The following TAF1A variants were observed in gnomAD, a reference collection of about 807,000 sequenced individuals.
TAF1A encodes TATA box-binding protein-associated factor RNA polymerase I subunit A.
In TAF1A, 42 loss-of-function variants were observed where a neutral mutation model predicts 61.6. That is an observed-to-expected ratio of 0.68 (90% CI 0.53 to 0.88). The LOEUF (loss-of-function observed/expected upper bound fraction) is 0.88, where lower values mean the gene tolerates loss of function less well. Ranked by LOEUF, TAF1A falls within the 40% of genes least tolerant of loss-of-function variation. TAF1A has a pLI of 0.00. For missense variants in TAF1A, 424 were observed against 518.7 expected (o/e 0.82, Z 1.77); for synonymous variants, 179 against 177.7 (o/e 1.01, Z -0.06).
chr1:222,584,584 G>A (rs930643156), intron 2 of TAF1A, among the ~76,000 whole-genome samples: 8 of 152,098 alleles, frequency 5.3e-5, no homozygotes, highest in South Asian at 2.1e-4. Flanking sequence ...AATAATTTGC[G>A]GAGAATCTCT....
chr1:222,583,239 G>A (rs1424817377), intron 3 of TAF1A, among the ~76,000 whole-genome samples: 4 of 152,034 alleles, frequency 2.6e-5, no homozygotes, highest in Admixed American at 6.6e-5. Flanking sequence ...GCCAGTGTCC[G>A]GCAGCTGTGA....
intron 8 of TAF1A, 69 bp from the exon 9 acceptor site, chr1:222,563,365 T>C: frequency 1.3e-6 from 2 of 1,500,556 alleles, no homozygotes; most frequent in Middle Eastern, 3.5e-4. Flanking sequence ...TTTACATGTA[T>C]ACATTTTATC....
At position 222,588,456 on chromosome 1, in the gene TAF1A, G is replaced by A. The variant is rs1326933622; in HGVS notation, c.108C>T (p.Tyr36=). The stretch of plus-strand genomic sequence containing the variant: ...TATTTTACTTACCCACAGTTTCTAC[G>A]TATGTTTGAAGCCAAGGAAAATGCA... ...AGMHFPWLQT[Y]VETVAIGGKR... The change falls in exon 2 of 11, where the codon TAC becomes TAT. Residue 36 remains tyrosine, a synonymous_variant. Transcript: ENST00000352967. The A allele has an allele frequency of 1.9e-5, 30 of 1,613,022 alleles. No individual in the cohort carries two copies. The Middle Eastern group carries it at 6.6e-4, about 35-fold the overall frequency.
Position 222,570,622 on chromosome 1 carries a change from G to A in TAF1A, c.648C>T (p.Phe216=). 1 of 1,612,562 alleles carries A rather than the reference G, an allele frequency of 6.2e-7. No homozygotes were observed. The highest frequency in any genetic ancestry group is 8.5e-7 in the Non-Finnish European group (1 of 1,178,930). Residue 216 remains phenylalanine, a synonymous_variant, in exon 6 of 11, where the codon TTC becomes TTT. Coordinates refer to ENST00000352967, the MANE Select transcript of TAF1A (RefSeq NM_005681.4). ...TTGCAGATGTCTTCCAGCTGTGGTT[G>A]AACACATCCTGGGCTACTGCATTGT... ...YAYNAVAQDV[F]NHSWKTSANI...
At chr1:222,568,110 C>T (rs1421536349) in intron 7 of TAF1A, among the ~76,000 whole-genome samples, 1 of 151,214 alleles carries the variant, frequency 6.6e-6, no homozygotes, top group Non-Finnish European at 1.5e-5. Context: ...TTGACCTTTG[C>T]CACACACTAC....
downstream of TAF1A, among the ~76,000 whole-genome samples, chr1:222,554,380 T>C (rs1039067781): frequency 2.0e-5 from 3 of 152,224 alleles, no homozygotes; most frequent in African/African-American, 4.8e-5. Flanking sequence ...TGGGACTGAG[T>C]CGACTCTTAC....
intron 2 of TAF1A, among the ~76,000 whole-genome samples, chr1:222,584,951 C>T (rs1413448955): frequency 1.3e-5 from 2 of 152,162 alleles, no homozygotes; most frequent in Admixed American, 6.5e-5. Context: ...CCAGTAAGTA[C>T]ACAAAGACCA....
At chr1:222,566,617 T>C (rs1304084542) in intron 7 of TAF1A, among the ~76,000 whole-genome samples, 2 of 152,092 alleles carry the variant, frequency 1.3e-5, no homozygotes, top group African/African-American at 4.8e-5. Context: ...CAGTTCACAA[T>C]ACGGTCCGGG....
chr1:222,566,559 G>A (rs34851670), intron 7 of TAF1A, among the ~76,000 whole-genome samples: 68,139 of 151,946 alleles, frequency 0.45, 17,518 homozygotes, highest in Non-Finnish European at 0.58. Flanking sequence ...CAGATCATTA[G>A]GCATTAAATT....
intron 2 of TAF1A, 90 bp downstream of exon 2, chr1:222,588,353 T>C: frequency 6.8e-7 from 1 of 1,473,204 alleles, no homozygotes; most frequent in Non-Finnish European, 9.1e-7. Context: ...CTCTTGAAAA[T>C]TAAACCAGTC....
At chr1:222,588,997 T>C (rs992943096) in intron 1 of TAF1A, among the ~76,000 whole-genome samples, 1 of 152,176 alleles carries the variant, frequency 6.6e-6, no homozygotes, top group African/African-American at 2.4e-5. Flanking sequence ...TATTACTTTC[T>C]TCCATGTGAA....
In TAF1A at chr1:222,577,748, T is replaced by C. The variant is rs1204516734; in HGVS notation, c.406-105A>G. The C allele has an allele frequency of 8.0e-6, 8 of 1,005,216 alleles. No individual in the cohort carries two copies. In the East Asian group the frequency reaches 1.7e-4, roughly 21 times the overall value. The allele number at this position is 1,005,216 out of a possible 1,614,324, so 62.3% of individuals were successfully genotyped here. A position where few individuals can be genotyped will look rare whatever the true frequency, so the allele number is the denominator to read the frequency against. ...ATGCTGGGCAAAGACCTTGGTAGGA[T>C]ACAAATAACTTGACATGGAAAATTT... On this transcript the variant is annotated intron_variant, in intron 4 of 10. Coordinates refer to ENST00000352967, the MANE Select transcript of TAF1A (RefSeq NM_005681.4).
At position 222,583,837 on chromosome 1, in the gene TAF1A, C is replaced by CAA. The variant is rs200580139; in HGVS notation, c.291+289_291+290dup. ...CTGGCGACAGAGCAAGACTCCGTCTCAAAAAAAAAAAAAAAAGATAGAATA... is the reference window on the plus strand; with the variant it reads ...CTGGCGACAGAGCAAGACTCCGTCTCAAAAAAAAAAAAAAAAAAGATAGAATA... On this transcript the variant is annotated intron_variant, in intron 3 of 10. Transcript: ENST00000352967. Among the ~76,000 whole-genome samples, 207 of 90,036 alleles carry CAA rather than the reference C, an allele frequency of 2.3e-3. 1 individual carries two copies. The highest frequency in any genetic ancestry group is 7.5e-3 in the African/African-American group (185 of 24,760). The allele number at this position is 90,036 out of a possible 152,430, so 59.1% of individuals were successfully genotyped here. A position where few individuals can be genotyped will look rare whatever the true frequency, so the allele number is the denominator to read the frequency against.
chr1:222,578,145 G>T lies in TAF1A; in HGVS notation c.406-502C>A, dbSNP rs943877488. On this transcript the variant is annotated intron_variant, in intron 4 of 10. Transcript: ENST00000352967. Reference sequence around the variant, plus strand: ...AGAAAATATCTTAATAAGGGATGCTGAAGAATGGCTTCAGTTCAGATGGAG... The same window carrying T: ...AGAAAATATCTTAATAAGGGATGCTTAAGAATGGCTTCAGTTCAGATGGAG... 3.3e-5 allele frequency among the ~76,000 whole-genome samples: 5 copies of T among 152,294 alleles called. No homozygotes were observed. The East Asian group carries it at 9.6e-4, about 29-fold the overall frequency.
chr1:222,581,094 C>T (rs1660772439), intron 3 of TAF1A, among the ~76,000 whole-genome samples: 1 of 151,986 alleles, frequency 6.6e-6, no homozygotes, highest in Non-Finnish European at 1.5e-5. Flanking sequence ...AGTGAGACTC[C>T]ATCTCAAAAA....
chr1:222,577,365 G>C, intron 5 of TAF1A, 80 bp downstream of exon 5: 1 of 1,145,870 alleles, frequency 8.7e-7, no homozygotes, highest in Non-Finnish European at 1.3e-6. Context: ...GAAGTCAATA[G>C]GGAAATTACT....
chr1:222,578,312 T>G (rs572920869), intron 4 of TAF1A, among the ~76,000 whole-genome samples: 1 of 152,304 alleles, frequency 6.6e-6, no homozygotes, highest in Non-Finnish European at 1.5e-5. Context: ...CTGCAATAAG[T>G]TGTCAACTGG....
intron 10 of TAF1A, among the ~76,000 whole-genome samples, chr1:222,561,163 G>A (rs1051898092): frequency 2.6e-5 from 4 of 152,194 alleles, no homozygotes; most frequent in East Asian, 1.9e-4. Context: ...GATGAAAACC[G>A]TTCACAATCA....
At chr1:222,558,961 A>C (rs571773104) in intron 10 of TAF1A, among the ~76,000 whole-genome samples, 189 bp from the exon 11 acceptor site, 1 of 152,304 alleles carries the variant, frequency 6.6e-6, no homozygotes, top group South Asian at 2.1e-4. Context: ...CTATATACAA[A>C]ATTTATTTGT....
Sources: allele counts gnomAD v4.1 joint callset (sites outside exome capture counted in the v4.1 genomes callset), GRCh38; gene constraint gnomAD v4.1.1; transcripts MANE v1.5; gene names NCBI Gene and HGNC (gene_info 2026-07-23, HGNC 2026-07-21).